The following NUBPL variants were observed in gnomAD, a reference collection of about 807,000 sequenced individuals.
The protein encoded by NUBPL is iron-sulfur cluster transfer protein NUBPL.
Under a neutral mutation model 45.7 loss-of-function variants are expected in NUBPL, and 31 were observed. That is an observed-to-expected ratio of 0.68 (90% CI 0.51 to 0.92). The LOEUF (loss-of-function observed/expected upper bound fraction) is 0.92. NUBPL is among the 40% of genes least tolerant of loss of function. NUBPL has a pLI of 0.00. For synonymous variants in NUBPL, 144 were observed against 140.9 expected (o/e 1.02, Z -0.15); for missense variants, 401 against 398.7 (o/e 1.01, Z -0.05).
At chr14:31,737,913 T>G (rs1012577936) in intron 6 of NUBPL, among the ~76,000 whole-genome samples, 7 of 152,206 alleles carry the variant, frequency 4.6e-5, no homozygotes, top group African/African-American at 1.7e-4. Flanking sequence ...CTGAATTTTT[T>G]TGTTTTATTT....
intron 4 of NUBPL, among the ~76,000 whole-genome samples, chr14:31,617,848 A>G (rs11851676): frequency 0.16 from 24,116 of 152,180 alleles, 5,443 homozygotes; most frequent in African/African-American, 0.5. Context: ...TTCAGAAGGA[A>G]TGGTACCAGC....
chr14:31,673,328 A>G, intron 4 of NUBPL, 27 bp from the exon 5 acceptor site: 3 of 1,546,932 alleles, frequency 1.9e-6, no homozygotes, highest in African/African-American at 1.7e-5. Context: ...TTATTGTTCT[A>G]AAAGAGAGGA....
At chr14:31,857,205 C>A (rs899352790) in intron 10 of NUBPL, among the ~76,000 whole-genome samples, 4 of 152,214 alleles carry the variant, frequency 2.6e-5, no homozygotes, top group African/African-American at 9.6e-5. Flanking sequence ...CTCGCTTCAC[C>A]CTCTGAAGCC....
rs1174285591 is a variant in NUBPL, at chr14:31,658,517, C to CT, written c.383-14825dup. On this transcript the variant is annotated intron_variant, in intron 4 of 10. Transcript: ENST00000281081. ...AGGTTATGGAAGTTTTCTTTAATAG[C>CT]TTTTTTTTTTTTTGAAAGGGAGTCT... 2.6e-3 allele frequency among the ~76,000 whole-genome samples: 376 copies of CT among 144,216 alleles called. 1 individual carries two copies. Among genetic ancestry groups the CT allele is most frequent in the South Asian group, 6.9e-3 (31 of 4,498 alleles). The allele number at this position is 144,216 out of a possible 152,430, so 94.6% of individuals were successfully genotyped here. A position where few individuals can be genotyped will look rare whatever the true frequency, so the allele number is the denominator to read the frequency against.
At chr14:31,848,376 G>A (rs2040485902) in intron 9 of NUBPL, among the ~76,000 whole-genome samples, 1 of 152,142 alleles carries the variant, frequency 6.6e-6, no homozygotes, top group Non-Finnish European at 1.5e-5. Flanking sequence ...CTGGCCTCTT[G>A]GCCAGTTGAA....
intron 6 of NUBPL, among the ~76,000 whole-genome samples, chr14:31,787,550 G>A (rs529761745): frequency 4.6e-5 from 7 of 152,246 alleles, no homozygotes; most frequent in East Asian, 3.9e-4. Context: ...GTGTGTATGC[G>A]GATGAGTCAT....
intron 7 of NUBPL, among the ~76,000 whole-genome samples, chr14:31,815,731 C>T (rs2039901699): frequency 7.7e-6 from 1 of 129,244 alleles, no homozygotes; most frequent in Admixed American, 8.0e-5. Context: ...GTTTATTGAG[C>T]GTTTTTAGCA....
chr14:31,585,835 G>C (rs2033982455), intron 3 of NUBPL, among the ~76,000 whole-genome samples: 1 of 152,148 alleles, frequency 6.6e-6, no homozygotes, highest in Admixed American at 6.6e-5. Flanking sequence ...GAAGTTTACT[G>C]GCTGACATAG....
intron 7 of NUBPL, among the ~76,000 whole-genome samples, chr14:31,823,704 A>T (rs1324834334): frequency 6.6e-6 from 1 of 152,140 alleles, no homozygotes; most frequent in Non-Finnish European, 1.5e-5. Context: ...ACAGTTAAAG[A>T]AACTGAGACT....
chr14:31,592,771 A>G, intron 3 of NUBPL, among the ~76,000 whole-genome samples: 1 of 152,116 alleles, frequency 6.6e-6, no homozygotes, highest in Non-Finnish European at 1.5e-5. Flanking sequence ...TGGTCATCTT[A>G]TACCCTGGAG....
intron 6 of NUBPL, among the ~76,000 whole-genome samples, chr14:31,739,721 A>G (rs1175648985): frequency 1.3e-5 from 2 of 152,146 alleles, no homozygotes; most frequent in African/African-American, 2.4e-5. Flanking sequence ...TGTACATTTT[A>G]TAGGTTTTGA....
At position 31,837,634 on chromosome 14, in the gene NUBPL, T is replaced by C. The variant is rs189000663; in HGVS notation, c.694-8837T>C. Among the ~76,000 whole-genome samples the C allele has an allele frequency of 1.2e-3, 181 of 152,272 alleles. 1 individual carries two copies. Among genetic ancestry groups the C allele is most frequent in the African/African-American group, 3.9e-3 (164 of 41,554 alleles). ...CAACATGAAAACCACATAAAAATTA[T>C]TGAGGATCAACCAAAAAGGAATTGT... On this transcript the variant is annotated intron_variant, in intron 8 of 10. Coordinates refer to ENST00000281081, the MANE Select transcript of NUBPL (RefSeq NM_025152.3).
At chr14:31,714,348 T>C (rs540525563) in intron 6 of NUBPL, among the ~76,000 whole-genome samples, 15 of 152,324 alleles carry the variant, frequency 9.8e-5, no homozygotes, top group African/African-American at 3.4e-4. Context: ...CTTAGTCTTT[T>C]TGCATCTCTG....
chr14:31,618,886 G>C (rs143990688), intron 4 of NUBPL, among the ~76,000 whole-genome samples: 26 of 152,214 alleles, frequency 1.7e-4, no homozygotes, highest in Non-Finnish European at 3.1e-4. Context: ...TGACAGTGGG[G>C]TGTTAAAGTG....
chr14:31,703,616 AC>A (rs202210798), intron 6 of NUBPL, among the ~76,000 whole-genome samples: 5,509 of 152,248 alleles, frequency 0.036, 131 homozygotes, highest in African/African-American at 0.076. Flanking sequence ...CAATTTTAAA[AC>A]CATCAGATCT....
intron 4 of NUBPL, among the ~76,000 whole-genome samples, chr14:31,617,258 C>G (rs537608921): frequency 2.1e-4 from 32 of 152,154 alleles, no homozygotes; most frequent in African/African-American, 6.3e-4. Context: ...AATTGAATAC[C>G]CTTTATGTTT....
intron 7 of NUBPL, among the ~76,000 whole-genome samples, chr14:31,815,345 T>C (rs1372540648): frequency 1.3e-5 from 2 of 152,140 alleles, no homozygotes; most frequent in Non-Finnish European, 2.9e-5. Flanking sequence ...TTGTCTGTTA[T>C]TGGTATATAG....
At chr14:31,613,969 G>T (rs1342845836) in intron 4 of NUBPL, among the ~76,000 whole-genome samples, 3 of 151,946 alleles carry the variant, frequency 2.0e-5, no homozygotes, top group African/African-American at 7.3e-5. Flanking sequence ...AAAATGGCTT[G>T]TGTATGTTTG....
chr14:31,848,523 A>G (rs2040488647), intron 9 of NUBPL, among the ~76,000 whole-genome samples: 2 of 152,214 alleles, frequency 1.3e-5, no homozygotes, highest in Admixed American at 1.3e-4. Flanking sequence ...CAGTTTATGC[A>G]TAGTAGTTAA....
Sources: gnomAD v4.1 joint callset for allele counts (sites outside exome capture counted in the v4.1 genomes callset) on GRCh38, gnomAD v4.1.1 for gene constraint, MANE v1.5 for transcripts, NCBI Gene and HGNC (gene_info 2026-07-23, HGNC 2026-07-21) for gene names.